SYNDIG1: variants seen among roughly 807,000 people sequenced by gnomAD.
The protein encoded by SYNDIG1 is synapse differentiation-inducing gene protein 1.
SYNDIG1 carries 9 observed loss-of-function variants against 19.4 expected under a neutral mutation model. The observed-to-expected ratio is 0.46, with a 90% confidence interval of 0.28 to 0.81. SYNDIG1 has a LOEUF of 0.81. Ranked by LOEUF, SYNDIG1 falls within the 30% of genes least tolerant of loss-of-function variation. SYNDIG1 has a pLI of 0.12. For synonymous variants in SYNDIG1, 141 were observed against 145.9 expected (o/e 0.97, Z 0.24); for missense variants, 311 against 343.3 (o/e 0.91, Z 0.74).
At chr20:24,589,703 TTCATAAAATGTTTC>T (rs2058476154) in intron 3 of SYNDIG1, among the ~76,000 whole-genome samples, 1 of 152,226 alleles carries the variant, frequency 6.6e-6, no homozygotes, top group South Asian at 2.1e-4. Flanking sequence ...CTAATTTCAT[TTCATAAAATGTTTC>T]TTTCCTTTAC....
At chr20:24,535,976 CAT>C (rs1281547172) in intron 1 of SYNDIG1, among the ~76,000 whole-genome samples, 1 of 152,186 alleles carries the variant, frequency 6.6e-6, no homozygotes, top group Non-Finnish European at 1.5e-5. Flanking sequence ...TCTTGACACA[CAT>C]GTTTGAGGAT....
intron 3 of SYNDIG1, among the ~76,000 whole-genome samples, chr20:24,609,779 C>T (rs745428423): frequency 5.3e-5 from 8 of 152,142 alleles, no homozygotes; most frequent in Non-Finnish European, 8.8e-5. Flanking sequence ...CCTTAACATT[C>T]ATATCTCAGC....
chr20:24,528,009 A>G (rs1417699028), intron 1 of SYNDIG1, among the ~76,000 whole-genome samples: 1 of 152,190 alleles, frequency 6.6e-6, no homozygotes, highest in Non-Finnish European at 1.5e-5. Flanking sequence ...GTTACTGTTG[A>G]TGCCTAAATC....
intron 1 of SYNDIG1, among the ~76,000 whole-genome samples, chr20:24,534,646 G>A (rs1045846970): frequency 2.0e-4 from 31 of 152,324 alleles, no homozygotes; most frequent in Middle Eastern, 3.4e-3. Flanking sequence ...CTGGTTACAC[G>A]TTGGCGCTCA....
At chr20:24,491,722 A>G (rs1169020562) in intron 1 of SYNDIG1, 1 of 152,252 alleles carries the variant, frequency 6.6e-6, no homozygotes, top group Non-Finnish European at 1.5e-5. Context: ...CACTAGCTTG[A>G]CAGCACTTTG....
chr20:24,651,108 T>C (rs1160922492), intron 3 of SYNDIG1, among the ~76,000 whole-genome samples: 1 of 152,200 alleles, frequency 6.6e-6, no homozygotes, highest in African/African-American at 2.4e-5. Flanking sequence ...TATATTCATA[T>C]GTGTATTTGT....
chr20:24,569,504 T>C (rs1268192238), intron 2 of SYNDIG1, among the ~76,000 whole-genome samples: 3 of 152,182 alleles, frequency 2.0e-5, no homozygotes, highest in Admixed American at 2.0e-4. Flanking sequence ...CCCAAGGACA[T>C]TGGTGACTTG....
In SYNDIG1 at chr20:24,490,335, C is replaced by T. The variant is rs147349660; in HGVS notation, c.-79+20582C>T. Among the ~76,000 whole-genome samples, 426 of 152,264 alleles carry T rather than the reference C, an allele frequency of 2.8e-3. 1 individual carries two copies. The highest frequency in any genetic ancestry group is 1.0e-2 in the African/African-American group (415 of 41,554). On this transcript the variant is annotated intron_variant, in intron 1 of 3. Coordinates refer to ENST00000376862, the MANE Select transcript of SYNDIG1 (RefSeq NM_024893.3). ...CACCTAAAATAGCAGTTATGCCTTG[C>T]CTATGAGCCCATGAGGATGGGATTT...
intron 3 of SYNDIG1, among the ~76,000 whole-genome samples, chr20:24,616,571 G>A (rs994335489): frequency 2.4e-4 from 37 of 152,370 alleles, no homozygotes; most frequent in African/African-American, 8.2e-4. Flanking sequence ...TTCAGCAGAA[G>A]GAAGCACAGG....
At chr20:24,609,353 C>T (rs1182416017) in intron 3 of SYNDIG1, among the ~76,000 whole-genome samples, 1 of 152,300 alleles carries the variant, frequency 6.6e-6, no homozygotes, top group South Asian at 2.1e-4. Context: ...TTTTCTTTTT[C>T]TGTCCTTCCT....
At chr20:24,503,947 G>A (rs945038534) in intron 1 of SYNDIG1, among the ~76,000 whole-genome samples, 1 of 151,428 alleles carries the variant, frequency 6.6e-6, no homozygotes, top group Non-Finnish European at 1.5e-5. Context: ...TGGGATCCAG[G>A]GAGAGCAGGT....
intron 1 of SYNDIG1, among the ~76,000 whole-genome samples, chr20:24,534,510 G>A (rs2146655307): frequency 6.6e-6 from 1 of 152,316 alleles, no homozygotes; most frequent in South Asian, 2.1e-4. Flanking sequence ...ATTTCCCCCA[G>A]CCGGAACAGT....
At chr20:24,596,186 T>C (rs1233874946) in intron 3 of SYNDIG1, among the ~76,000 whole-genome samples, 1 of 152,204 alleles carries the variant, frequency 6.6e-6, no homozygotes, top group Non-Finnish European at 1.5e-5. Flanking sequence ...AAAGAATTCC[T>C]TGATTTCTGC....
rs1378977493 is a variant in SYNDIG1 at position 24,666,308 on chromosome 20, T to A, written c.*804T>A. The A allele has an allele frequency of 6.6e-6, 1 of 152,668 alleles. No individual in the cohort carries two copies. Among genetic ancestry groups the A allele is most frequent in the Non-Finnish European group, 1.5e-5 (1 of 68,060 alleles). The allele number at this position is 152,668 out of a possible 1,614,324, so 9.5% of individuals were successfully genotyped here. A position where few individuals can be genotyped will look rare whatever the true frequency, so the allele number is the denominator to read the frequency against. On this transcript the variant is annotated 3_prime_UTR_variant, in exon 4 of 4. Coordinates refer to ENST00000376862, the MANE Select transcript of SYNDIG1 (RefSeq NM_024893.3). ...CTCGAGGCACTGCAGCTATGGGCAC[T>A]GCCTCAGCCTAAAGACACAGGGGCG...
intron 3 of SYNDIG1, among the ~76,000 whole-genome samples, chr20:24,600,796 G>A (rs961160980): frequency 1.3e-5 from 2 of 151,910 alleles, no homozygotes; most frequent in Non-Finnish European, 2.9e-5. Context: ...TGTATTCTTA[G>A]TAAAGACGGA....
intron 1 of SYNDIG1, among the ~76,000 whole-genome samples, chr20:24,477,868 A>G (rs1302730055): frequency 6.6e-6 from 1 of 152,212 alleles, no homozygotes; most frequent in African/African-American, 2.4e-5. Context: ...GACCTCAGTC[A>G]CTAGCACTTC....
chr20:24,482,051 A>C (rs2055812742), intron 1 of SYNDIG1, among the ~76,000 whole-genome samples: 1 of 152,382 alleles, frequency 6.6e-6, no homozygotes, highest in East Asian at 1.9e-4. Context: ...CAAATGCTTA[A>C]TAATCCTCAC....
chr20:24,550,529 G>C (rs532784641), intron 2 of SYNDIG1, among the ~76,000 whole-genome samples: 1 of 140,836 alleles, frequency 7.1e-6, no homozygotes, highest in Non-Finnish European at 1.5e-5. Flanking sequence ...TTTTTTTTGA[G>C]ACGGAGTCTC....
chr20:24,564,338 G>A (rs997544710), intron 2 of SYNDIG1, among the ~76,000 whole-genome samples: 1 of 152,134 alleles, frequency 6.6e-6, no homozygotes, highest in African/African-American at 2.4e-5. Context: ...AAATCCAAAG[G>A]TGAGCCCAGC....
Sources: allele counts gnomAD v4.1 joint callset (sites outside exome capture counted in the v4.1 genomes callset), GRCh38; gene constraint gnomAD v4.1.1; transcripts MANE v1.5; gene names NCBI Gene and HGNC (gene_info 2026-07-23, HGNC 2026-07-21).